CALML4: variants seen among roughly 807,000 people sequenced by gnomAD.
CALML4 encodes calmodulin like 4, also known as calmodulin-like protein 4.
A neutral mutation model predicts 17.9 loss-of-function variants in CALML4; 16 were observed. That is an observed-to-expected ratio of 0.89 (90% CI 0.61 to 1.36). The LOEUF is 1.36. Ranked by LOEUF, CALML4 falls within the 40% of genes most tolerant of loss-of-function variation. The pLI is 0.00. For synonymous variants in CALML4, 86 were observed against 71.5 expected (o/e 1.20, Z -1.02); for missense variants, 203 against 194.8 (o/e 1.04, Z -0.25).
In CALML4 at chr15:68,199,680, C is replaced by T. The variant is rs765509339; in HGVS notation, c.36G>A (p.Glu12=). Residue 12 remains glutamate, a splice_region_variant and synonymous_variant, in exon 3 of 5, where the codon GAG becomes GAA. Transcript: ENST00000467889. ...AKFLSQDQIN[E]YKECFSLYDK... ...CATACAGGGAGAAGCATTCCTTGTA[C>T]TCTGCACACGGCCCAGAGGGAGGGT... is the stretch of plus-strand genomic sequence containing the variant. 2 of 1,613,014 alleles carry T rather than the reference C, an allele frequency of 1.2e-6. No individual in the cohort carries two copies. The highest frequency in any genetic ancestry group is 2.2e-5 in the East Asian group (1 of 44,792).
intron 2 of CALML4, among the ~76,000 whole-genome samples, chr15:68,203,645 C>T (rs2093172630): frequency 6.6e-6 from 1 of 152,208 alleles, no homozygotes; most frequent in South Asian, 2.1e-4. Flanking sequence ...CCTGGCTATG[C>T]CTGGCCCAGC....
chr15:68,195,268 C>A (rs969608323), intron 4 of CALML4, among the ~76,000 whole-genome samples: 2 of 152,106 alleles, frequency 1.3e-5, no homozygotes, highest in African/African-American at 4.8e-5. Context: ...CACCTCCGGT[C>A]GTCAGTTAGA....
rs1281866037 is a variant in CALML4, at chr15:68,192,135, C to CT, written c.*1879dup. ...TAAATCATTGGTATCTATCTCCCAT[C>CT]TAATCTTTGGTATTCCAGGTTGGCT... On this transcript the variant is annotated 3_prime_UTR_variant, in exon 5 of 5. Transcript: ENST00000467889. The CT allele has an allele frequency of 6.6e-6, 1 of 152,310 alleles. No individual in the cohort carries two copies. The highest frequency in any genetic ancestry group is 1.9e-4 in the East Asian group (1 of 5,184). The allele number at this position is 152,310 out of a possible 1,614,324, so 9.4% of individuals were successfully genotyped here. A position where few individuals can be genotyped will look rare whatever the true frequency, so the allele number is the denominator to read the frequency against.
rs1360449357 is a variant in CALML4 at position 68,193,953 on chromosome 15, T to C, written c.*62A>G. 7.8e-6 allele frequency: 10 copies of C among 1,278,972 alleles called. No homozygotes were observed. Among genetic ancestry groups the C allele is most frequent in the Admixed American group, 1.8e-5 (1 of 54,286 alleles). The allele number at this position is 1,278,972 out of a possible 1,614,324, so 79.2% of individuals were successfully genotyped here. On this transcript the variant is annotated 3_prime_UTR_variant, in exon 5 of 5. Transcript: ENST00000467889. ...TCTCTCCCAAGTGAAAAGAACACTT[T>C]TTAAAAAAAATTAATTGCTCCAAGT...
rs1043464750 is a variant in CALML4 at position 68,192,370 on chromosome 15, A to C, written c.*1645T>G. The C allele has an allele frequency of 2.0e-5, 3 of 152,110 alleles. No homozygotes were observed. Among genetic ancestry groups the C allele is most frequent in the Admixed American group, 2.0e-4 (3 of 15,262 alleles). The allele number at this position is 152,110 out of a possible 1,614,324, so 9.4% of individuals were successfully genotyped here. ...CTAGGAGCAGCCCCAGAAATTCTGC[A>C]TTTCTGTTTTTGTATTCTTAAGGCA... On this transcript the variant is annotated 3_prime_UTR_variant, in exon 5 of 5. Coordinates refer to ENST00000467889, the MANE Select transcript of CALML4 (RefSeq NM_033429.3).
At position 68,197,580 on chromosome 15, in the gene CALML4, A is replaced by G. The variant is rs777156448; in HGVS notation, c.224T>C (p.Met75Thr). The G allele has an allele frequency of 1.1e-5, 17 of 1,614,068 alleles. No individual in the cohort carries two copies. The highest frequency in any genetic ancestry group is 1.4e-5 in the Non-Finnish European group (17 of 1,180,018). The change falls in exon 4 of 5, where the codon ATG becomes ACG. Residue 75 changes from methionine (M) to threonine (T), a missense_variant. By Grantham distance (81) the Met-to-Thr change is moderately conservative. Transcript: ENST00000467889. This position sits in a 1 kb window ranked among gnomAD's most constrained non-coding sequence, Gnocchi z 4.1. ...DFSTFLTIMHMQIKQEDPKKE... is the reference protein window; with the variant it reads ...DFSTFLTIMHTQIKQEDPKKE... ...CTTTGGGTCTTCTTGTTTTATTTGC[A>G]TGTGCATAATGGTCAGAAAAGTGGA...
intron 4 of CALML4, among the ~76,000 whole-genome samples, chr15:68,196,250 C>G (rs1170792961): frequency 6.6e-6 from 1 of 152,176 alleles, no homozygotes; most frequent in Non-Finnish European, 1.5e-5. Context: ...AACTCTGCAG[C>G]AATTTTTAAA....
At chr15:68,202,807 C>CTTTTTTTTTT (rs35057668) in intron 2 of CALML4, among the ~76,000 whole-genome samples, 6 of 95,032 alleles carry the variant, frequency 6.3e-5, no homozygotes, top group African/African-American at 3.0e-4. Context: ...CCATGACCGG[C>CTTTTTTTTTT]TTTTTTTTTT....
rs2093176968 is a variant in CALML4 at position 68,204,890 on chromosome 15, G to A, written c.34+231C>T. Among the ~76,000 whole-genome samples the A allele has an allele frequency of 6.6e-6, 1 of 152,026 alleles. No individual in the cohort carries two copies. ...GGGAAACCTAGTAAGTTCTGTCTTA[G>A]CGCCCTGGCTTGTAAGTCACACTGA... is the stretch of plus-strand genomic sequence containing the variant. On this transcript the variant is annotated intron_variant, in intron 2 of 4. Coordinates refer to ENST00000467889, the MANE Select transcript of CALML4 (RefSeq NM_033429.3). The surrounding 1 kb of genome is among the most constrained non-coding windows in gnomAD (Gnocchi z 6.0).
intron 2 of CALML4, 142 bp from the exon 3 acceptor site, chr15:68,199,823 A>T: frequency 1.3e-6 from 1 of 798,482 alleles, no homozygotes; most frequent in East Asian, 2.8e-5. Flanking sequence ...CAAGGGTGCT[A>T]GATACAGCAA....
chr15:68,199,618 A>G lies in CALML4; in HGVS notation c.98T>C (p.Leu33Pro), dbSNP rs1567090654. 6.2e-7 allele frequency: 1 copy of G among 1,613,518 alleles called. No individual in the cohort carries two copies. Among genetic ancestry groups the G allele is most frequent in the Non-Finnish European group, 8.5e-7 (1 of 1,179,892 alleles). The change falls in exon 3 of 5, where the codon CTC becomes CCC. Residue 33 changes from leucine (L) to proline (P), a missense_variant. Coordinates refer to ENST00000467889, the MANE Select transcript of CALML4 (RefSeq NM_033429.3). ...QQRGKIKATDLMVAMRCLGAS... is the reference protein window; with the variant it reads ...QQRGKIKATDPMVAMRCLGAS... Reference sequence around the variant, plus strand: ...CCCCAGGCACCTCATGGCCACCATGAGGTCGGTGGCTTTTATCTTCCCCCT... The same window carrying G: ...CCCCAGGCACCTCATGGCCACCATGGGGTCGGTGGCTTTTATCTTCCCCCT...
chr15:68,191,010 C>CAT lies in CALML4; in HGVS notation c.*3003_*3004dup, dbSNP rs2093117087. The CAT allele has an allele frequency of 6.6e-6, 1 of 152,282 alleles. No homozygotes were observed. Among genetic ancestry groups the CAT allele is most frequent in the South Asian group, 2.1e-4 (1 of 4,832 alleles). 9.4% of individuals were successfully genotyped at this position (152,282 alleles called of 1,614,324 possible). Reference sequence around the variant, plus strand: ...TTTTAGACAATTTCAATTTTAAACACATAAAACTTTCAAGATCTTCAGGAC... The same window carrying CAT: ...TTTTAGACAATTTCAATTTTAAACACATATAAAACTTTCAAGATCTTCAGGAC... On this transcript the variant is annotated 3_prime_UTR_variant, in exon 5 of 5. Coordinates refer to ENST00000467889, the MANE Select transcript of CALML4 (RefSeq NM_033429.3).
intron 4 of CALML4, among the ~76,000 whole-genome samples, chr15:68,196,719 G>A (rs1298839786): frequency 1.3e-5 from 2 of 152,152 alleles, no homozygotes; most frequent in Non-Finnish European, 2.9e-5. Flanking sequence ...CCTTGACAGT[G>A]TACAAAGGGC....
At chr15:68,203,189 ATC>A (rs1373086958) in intron 2 of CALML4, among the ~76,000 whole-genome samples, 1 of 152,160 alleles carries the variant, frequency 6.6e-6, no homozygotes, top group African/African-American at 2.4e-5. Flanking sequence ...ACATCAGGTG[ATC>A]CACATGCCTC....
chr15:68,191,841 A>G lies in CALML4; in HGVS notation c.*2174T>C, dbSNP rs2141117541. ...CTTCCTCGGGTAGAGGTTTGAATCA[A>G]ACACTTAATAGGATCTTAGACTCTG... On this transcript the variant is annotated 3_prime_UTR_variant, in exon 5 of 5. Transcript: ENST00000467889. 1 of 152,322 alleles carries G rather than the reference A, an allele frequency of 6.6e-6. No individual in the cohort carries two copies. The highest frequency in any genetic ancestry group is 2.4e-5 in the African/African-American group (1 of 41,564). The allele number at this position is 152,322 out of a possible 1,614,324, so 9.4% of individuals were successfully genotyped here.
At chr15:68,205,423 C>T, upstream of CALML4, 2 of 1,610,894 alleles carry the variant, frequency 1.2e-6, no homozygotes, top group Non-Finnish European at 1.7e-6. The surrounding 1 kb of genome is among the most constrained non-coding windows in gnomAD (Gnocchi z 4.8). Flanking sequence ...GCTTCCTGAG[C>T]ACAGCTCATG....
intron 3 of CALML4, among the ~76,000 whole-genome samples, chr15:68,198,840 G>GTAAACCTTGATCTTTGC (rs1216603652): frequency 4.6e-5 from 7 of 151,934 alleles, no homozygotes; most frequent in African/African-American, 1.7e-4. Flanking sequence ...CTTAATGGAT[G>GTAAACCTTGATCTTTGC]TAAACCTTGA....
At position 68,193,933 on chromosome 15, in the gene CALML4, C is replaced by T; in HGVS notation, c.*82G>A. On this transcript the variant is annotated 3_prime_UTR_variant, in exon 5 of 5. Coordinates refer to ENST00000467889, the MANE Select transcript of CALML4 (RefSeq NM_033429.3). ...TCTTGCCACTGTGTTTGCCATCTCT[C>T]CCAAGTGAAAAGAACACTTTTTAAA... The T allele has an allele frequency of 1.0e-6, 1 of 955,774 alleles. No homozygotes were observed. Among genetic ancestry groups the T allele is most frequent in the Non-Finnish European group, 1.6e-6 (1 of 611,294 alleles). 59.2% of individuals were successfully genotyped at this position (955,774 alleles called of 1,614,324 possible).
At position 68,191,512 on chromosome 15, in the gene CALML4, CTA is replaced by C. The variant is rs2093120045; in HGVS notation, c.*2501_*2502del. On this transcript the variant is annotated 3_prime_UTR_variant, in exon 5 of 5. Coordinates refer to ENST00000467889, the MANE Select transcript of CALML4 (RefSeq NM_033429.3). ...TGCTGGATGTTCAAGGGGACAATCCCTATGAGACAAGTGATAATGGTTTGTGC... is the reference window on the plus strand; with the variant it reads ...TGCTGGATGTTCAAGGGGACAATCCCTGAGACAAGTGATAATGGTTTGTGC... 1 of 152,636 alleles carries C rather than the reference CTA, an allele frequency of 6.6e-6. No homozygotes were observed. The highest frequency in any genetic ancestry group is 1.5e-5 in the Non-Finnish European group (1 of 68,044). 9.5% of individuals were successfully genotyped at this position (152,636 alleles called of 1,614,324 possible).
Sources: gnomAD v4.1 joint callset for allele counts (sites outside exome capture counted in the v4.1 genomes callset) on GRCh38, gnomAD v4.1.1 for gene constraint, Gnocchi (gnomAD v3.1) non-coding constraint, MANE v1.5 for transcripts, NCBI Gene and HGNC (gene_info 2026-07-23, HGNC 2026-07-21) for gene names.